Variants in ADCYAP1R1 observed in about 807,000 individuals in gnomAD.
ADCYAP1R1 encodes pituitary adenylate cyclase-activating polypeptide type I receptor.
A neutral mutation model predicts 67.6 loss-of-function variants in ADCYAP1R1; 44 were observed. That is an observed-to-expected ratio of 0.65 (90% CI 0.51 to 0.84). The LOEUF (loss-of-function observed/expected upper bound fraction) is 0.84, where lower values mean the gene tolerates loss of function less well. ADCYAP1R1 is among the 40% of genes least tolerant of loss of function. The pLI, the probability that ADCYAP1R1 is intolerant of heterozygous loss-of-function variation, is 0.00. For missense variants in ADCYAP1R1, 477 were observed against 587.9 expected (o/e 0.81, Z 1.95); for synonymous variants, 222 against 219.6 (o/e 1.01, Z -0.10).
At chr7:31,083,113 A>G (rs139726273) in intron 6 of ADCYAP1R1, among the ~76,000 whole-genome samples, 255 of 152,344 alleles carry the variant, frequency 1.7e-3, no homozygotes, top group African/African-American at 5.8e-3. Flanking sequence ...CTTGTTTTAT[A>G]CAATGTCTTG....
At chr7:31,083,422 G>T (rs756371470) in intron 6 of ADCYAP1R1, among the ~76,000 whole-genome samples, 2 of 152,212 alleles carry the variant, frequency 1.3e-5, no homozygotes, top group Admixed American at 6.5e-5. Flanking sequence ...ACCCCCTCGA[G>T]TGTCCCACTG....
chr7:31,089,117 G>A (rs1795863012), intron 12 of ADCYAP1R1, among the ~76,000 whole-genome samples: 1 of 152,032 alleles, frequency 6.6e-6, no homozygotes, highest in African/African-American at 2.4e-5. Context: ...GTGAGTCTAG[G>A]AATCATTCTT....
At position 31,103,344 on chromosome 7, in the gene ADCYAP1R1, A is replaced by T; in HGVS notation, c.1154A>T (p.Glu385Val). Residue 385 changes from glutamate (E) to valine (V), a missense_variant, in exon 14 of 16, where the codon GAG becomes GTG. Glu to Val is a moderately radical substitution (Grantham distance 121, BLOSUM62 -2). Transcript: ENST00000304166. Reference protein sequence around the residue: ...NVSKRERLVFELGLGSFQGFV... With the variant: ...NVSKRERLVFVLGLGSFQGFV... Reference sequence around the variant, plus strand: ...AGCAAAAGGGAAAGACTCGTGTTTGAGCTGGGGCTGGGCTCCTTCCAGGTA... The same window carrying T: ...AGCAAAAGGGAAAGACTCGTGTTTGTGCTGGGGCTGGGCTCCTTCCAGGTA... 1 of 1,614,186 alleles carries T rather than the reference A, an allele frequency of 6.2e-7. No homozygotes were observed. The highest frequency in any genetic ancestry group is 8.5e-7 in the Non-Finnish European group (1 of 1,180,026).
chr7:31,076,369 G>GCCACC (rs1795214312), intron 3 of ADCYAP1R1, among the ~76,000 whole-genome samples: 1 of 152,220 alleles, frequency 6.6e-6, no homozygotes, highest in Non-Finnish European at 1.5e-5. Context: ...AAGAGGTGGT[G>GCCACC]TCAGGCAGTG....
chr7:31,052,842 G>A (rs1170462485), intron 1 of ADCYAP1R1, among the ~76,000 whole-genome samples, 164 bp downstream of exon 1: 2 of 152,306 alleles, frequency 1.3e-5, no homozygotes, highest in African/African-American at 2.4e-5. Flanking sequence ...CGCCAGGCAA[G>A]CCTCCCAGAT....
At chr7:31,104,150 A>G (rs928760141) in intron 14 of ADCYAP1R1, among the ~76,000 whole-genome samples, 1 of 152,120 alleles carries the variant, frequency 6.6e-6, no homozygotes, top group Non-Finnish European at 1.5e-5. Flanking sequence ...GACTGGCCTC[A>G]TGGGCTCATA....
chr7:31,070,030 G>T (rs758220225), intron 3 of ADCYAP1R1, among the ~76,000 whole-genome samples: 3 of 152,302 alleles, frequency 2.0e-5, no homozygotes, highest in East Asian at 3.9e-4. Context: ...AGAGGTGGTG[G>T]TCATTGGCCA....
chr7:31,063,124 G>A (rs1369110619), intron 1 of ADCYAP1R1, 70 bp from the exon 2 acceptor site: 1 of 888,818 alleles, frequency 1.1e-6, no homozygotes, highest in African/African-American at 1.6e-5. Flanking sequence ...GGGGAATAAG[G>A]AAGGGAGGTG....
chr7:31,100,864 A>G (rs1356107084), intron 13 of ADCYAP1R1, among the ~76,000 whole-genome samples: 1 of 152,156 alleles, frequency 6.6e-6, no homozygotes, highest in Admixed American at 6.5e-5. Flanking sequence ...CCTTTTACTT[A>G]AGGTGCCATT....
rs1400748472 is a variant in ADCYAP1R1, at chr7:31,110,031, G to T, written c.*3347G>T. 1 of 151,868 alleles carries T rather than the reference G, an allele frequency of 6.6e-6. No individual in the cohort carries two copies. Among genetic ancestry groups the T allele is most frequent in the African/African-American group, 2.4e-5 (1 of 41,286 alleles). The allele number at this position is 151,868 out of a possible 1,614,324, so 9.4% of individuals were successfully genotyped here. A position where few individuals can be genotyped will look rare whatever the true frequency, so the allele number is the denominator to read the frequency against. On this transcript the variant is annotated 3_prime_UTR_variant, in exon 16 of 16. Transcript: ENST00000304166. ...GGAGCTAGAGCCAAGCCCTAGGCTT[G>T]AGAGACACCTGCATCTATAATCCCC...
At chr7:31,100,013 G>A in intron 13 of ADCYAP1R1, 1 of 1,012,582 alleles carries the variant, frequency 9.9e-7, no homozygotes, top group Non-Finnish European at 1.5e-6. Flanking sequence ...TCCTCCACAT[G>A]ACTGCCCTGG....
At chr7:31,070,868 C>T (rs912862676) in intron 3 of ADCYAP1R1, among the ~76,000 whole-genome samples, 2 of 152,160 alleles carry the variant, frequency 1.3e-5, no homozygotes, top group Non-Finnish European at 1.5e-5. Context: ...GTGATTTTGC[C>T]GGTCTGTGGT....
At chr7:31,062,936 C>T (rs750191941) in intron 1 of ADCYAP1R1, among the ~76,000 whole-genome samples, 4 of 152,230 alleles carry the variant, frequency 2.6e-5, no homozygotes, top group Middle Eastern at 3.2e-3. Flanking sequence ...AAAGCCATTC[C>T]AGACCATGCC....
chr7:31,085,529 T>G, intron 9 of ADCYAP1R1, 87 bp downstream of exon 9: 1 of 1,452,590 alleles, frequency 6.9e-7, no homozygotes, highest in Non-Finnish European at 9.3e-7. Flanking sequence ...ATTACCTGCC[T>G]GACACCCTGC....
Position 31,103,125 on chromosome 7 carries a change from G to T in ADCYAP1R1, c.1047-112G>T, listed in dbSNP as rs7806057. ...GAATGCTGAGGGGTCTGTGGACACG[G>T]GCCCCAGCTTGGAGGGAGAATAAGG... is the stretch of plus-strand genomic sequence containing the variant. On this transcript the variant is annotated intron_variant, in intron 13 of 15. Transcript: ENST00000304166. 3,026 of 1,452,606 alleles carry T rather than the reference G, an allele frequency of 2.1e-3. 62 individuals are homozygous for T. The African/African-American group carries it at 0.037, about 18-fold the overall frequency. The allele number at this position is 1,452,606 out of a possible 1,614,324, so 90.0% of individuals were successfully genotyped here. A position where few individuals can be genotyped will look rare whatever the true frequency, so the allele number is the denominator to read the frequency against.
chr7:31,066,942 T>C (rs1309807276), intron 3 of ADCYAP1R1, among the ~76,000 whole-genome samples: 1 of 152,196 alleles, frequency 6.6e-6, no homozygotes, highest in Non-Finnish European at 1.5e-5. Context: ...GGTTGGGCTA[T>C]TGAGGGGGCA....
At chr7:31,062,151 G>A (rs2128615875) in intron 1 of ADCYAP1R1, among the ~76,000 whole-genome samples, 1 of 152,312 alleles carries the variant, frequency 6.6e-6, no homozygotes, top group East Asian at 1.9e-4. Context: ...ATATTTATCA[G>A]ATGCAGAATT....
chr7:31,100,148 C>T lies in ADCYAP1R1; in HGVS notation c.1047-3089C>T, dbSNP rs554848703. The stretch of plus-strand genomic sequence containing the variant: ...CCAGCAGCTGCGTGCAGAAATGCTA[C>T]TGCAAGCCACAGCGGGCTCAGCAGC... On this transcript the variant is annotated intron_variant, in intron 13 of 15. Coordinates refer to ENST00000304166, the MANE Select transcript of ADCYAP1R1 (RefSeq NM_001118.5). 3.2e-6 allele frequency: 5 copies of T among 1,550,604 alleles called. No homozygotes were observed. In the South Asian group the frequency reaches 4.8e-5, roughly 15 times the overall value.
chr7:31,095,586 G>A, intron 13 of ADCYAP1R1: 2 of 714,178 alleles, frequency 2.8e-6, no homozygotes, highest in South Asian at 1.5e-5. Context: ...GTCCCCTGGG[G>A]TACCAGAGTT....
Sources: gnomAD v4.1 joint callset for allele counts (sites outside exome capture counted in the v4.1 genomes callset) on GRCh38, gnomAD v4.1.1 for gene constraint, MANE v1.5 for transcripts, NCBI Gene and HGNC (gene_info 2026-07-23, HGNC 2026-07-21) for gene names.